Variants in TRAPPC9 observed in about 807,000 individuals in gnomAD.
TRAPPC9 encodes the protein trafficking protein particle complex subunit 9, also known as IKK2 binding protein.
A neutral mutation model predicts 124.0 loss-of-function variants in TRAPPC9; 83 were observed. That is an observed-to-expected ratio of 0.67 (90% CI 0.56 to 0.80). TRAPPC9 has a LOEUF of 0.80. TRAPPC9 is among the 30% of genes least tolerant of loss of function. The probability of loss-of-function intolerance (pLI) is 0.00; values close to 1 mark genes in which losing one functional copy is unlikely to be tolerated. For synonymous variants in TRAPPC9, 638 were observed against 617.5 expected (o/e 1.03, Z -0.49); for missense variants, 1,302 against 1,508.3 (o/e 0.86, Z 2.27).
At chr8:140,383,739 G>T (rs1238314189) in intron 7 of TRAPPC9, among the ~76,000 whole-genome samples, 1 of 152,178 alleles carries the variant, frequency 6.6e-6, no homozygotes, top group Non-Finnish European at 1.5e-5. Flanking sequence ...AAAACACTCT[G>T]CAGGATATTA....
intron 17 of TRAPPC9, among the ~76,000 whole-genome samples, chr8:140,117,414 A>C (rs2060909516): frequency 6.6e-6 from 1 of 152,226 alleles, no homozygotes; most frequent in Admixed American, 6.5e-5. Flanking sequence ...AGGCTTTAGC[A>C]GGTGATGAGA....
intron 17 of TRAPPC9, among the ~76,000 whole-genome samples, chr8:140,125,276 T>C (rs949973693): frequency 6.6e-6 from 1 of 152,154 alleles, no homozygotes. Flanking sequence ...GGGTTGTTTC[T>C]GGGAAAGATC....
chr8:140,306,943 G>A (rs2066153851), intron 10 of TRAPPC9, among the ~76,000 whole-genome samples: 1 of 152,152 alleles, frequency 6.6e-6, no homozygotes, highest in South Asian at 2.1e-4. Context: ...TTGCTATTGT[G>A]TCCTTGTCTG....
intron 8 of TRAPPC9, 125 bp from the exon 9 acceptor site, chr8:140,360,318 C>CA (rs2067911654): frequency 3.2e-6 from 4 of 1,238,330 alleles, no homozygotes; most frequent in Non-Finnish European, 4.6e-6. Context: ...CCAAGAGCAA[C>CA]AAAAAATATT....
intron 16 of TRAPPC9, among the ~76,000 whole-genome samples, chr8:140,237,313 G>C (rs2063751760): frequency 6.6e-6 from 1 of 151,588 alleles, no homozygotes; most frequent in South Asian, 2.1e-4. Flanking sequence ...TCATCGCAGG[G>C]AACAGAGAAT....
chr8:140,238,354 G>C (rs1015460336), intron 16 of TRAPPC9: 5 of 152,248 alleles, frequency 3.3e-5, no homozygotes, highest in Non-Finnish European at 7.3e-5. Context: ...TTATTAGACA[G>C]ATGTCTGGGG....
At chr8:140,412,966 G>A (rs2069761395) in intron 5 of TRAPPC9, among the ~76,000 whole-genome samples, 1 of 152,102 alleles carries the variant, frequency 6.6e-6, no homozygotes, top group Non-Finnish European at 1.5e-5. Context: ...AAAAAGGAAA[G>A]GAAAGGACAT....
At chr8:140,212,109 G>A (rs534024813) in intron 17 of TRAPPC9, among the ~76,000 whole-genome samples, 8 of 152,330 alleles carry the variant, frequency 5.3e-5, no homozygotes, top group Non-Finnish European at 7.3e-5. Context: ...AAGAGCCTGC[G>A]CTCAGGACCA....
At chr8:140,133,322 C>T (rs1181121446) in intron 17 of TRAPPC9, among the ~76,000 whole-genome samples, 1 of 152,214 alleles carries the variant, frequency 6.6e-6, no homozygotes, top group East Asian at 1.9e-4. Flanking sequence ...ATCATCTCTC[C>T]TGATGCAGGA....
intron 7 of TRAPPC9, among the ~76,000 whole-genome samples, chr8:140,390,134 T>C (rs781464367): frequency 1.3e-5 from 2 of 152,098 alleles, no homozygotes; most frequent in African/African-American, 4.8e-5. Context: ...TGAAACCCCA[T>C]CTGTACTAAA....
In TRAPPC9 at chr8:139,769,158, T is replaced by C. The variant is rs147180602; in HGVS notation, c.3056-36956A>G. Among the ~76,000 whole-genome samples, 1,052 of 152,324 alleles carry C rather than the reference T, an allele frequency of 6.9e-3. 15 individuals carry two copies. The highest frequency in any genetic ancestry group is 0.024 in the African/African-American group (986 of 41,578). On this transcript the variant is annotated intron_variant, in intron 21 of 22. Transcript: ENST00000438773. ...AACCCTGTTATCCTCGGGGGCAGGT[T>C]CCAAGACCCCCAGTGGACGGCTGAA...
chr8:140,237,455 C>T (rs966176252), intron 16 of TRAPPC9, among the ~76,000 whole-genome samples: 5 of 151,712 alleles, frequency 3.3e-5, no homozygotes, highest in African/African-American at 1.2e-4. Flanking sequence ...AACTTTGCTG[C>T]ACATTAGAAT....
At chr8:140,387,293 C>A (rs1401408832) in intron 7 of TRAPPC9, among the ~76,000 whole-genome samples, 1 of 152,144 alleles carries the variant, frequency 6.6e-6, no homozygotes. Context: ...CTAGGCAATA[C>A]CATTCAGGAC....
intron 9 of TRAPPC9, among the ~76,000 whole-genome samples, chr8:140,357,838 A>G (rs2067800582): frequency 6.6e-6 from 1 of 152,174 alleles, no homozygotes; most frequent in Admixed American, 6.5e-5. Context: ...CTGCAGGTAC[A>G]ATCAAGAAAA....
At chr8:139,750,959 G>A (rs974312611) in intron 21 of TRAPPC9, among the ~76,000 whole-genome samples, 3 of 152,206 alleles carry the variant, frequency 2.0e-5, no homozygotes, top group African/African-American at 7.2e-5. Flanking sequence ...CCTCTGCCAG[G>A]CAGTGTGATG....
rs1554608008 is a variant in TRAPPC9 at position 140,018,324 on chromosome 8, A to ATTTTTTTTTTTTT, written c.2699+5600_2699+5612dup. Among the ~76,000 whole-genome samples, 172 of 119,720 alleles carry ATTTTTTTTTTTTT rather than the reference A, an allele frequency of 1.4e-3. 1 individual carries two copies. The highest frequency in any genetic ancestry group is 2.6e-3 in the South Asian group (10 of 3,852). 78.5% of individuals were successfully genotyped at this position (119,720 alleles called of 152,430 possible). On this transcript the variant is annotated intron_variant, in intron 18 of 22. Coordinates refer to ENST00000438773, the MANE Select transcript of TRAPPC9 (RefSeq NM_001160372.4). ...TTGCTGGTATATAGAAACGTAAGTG[A>ATTTTTTTTTTTTT]TTTTTTTTTTTTTTTTTGAGACGGA...
intron 16 of TRAPPC9, among the ~76,000 whole-genome samples, chr8:140,230,485 G>A (rs1395366758): frequency 1.3e-5 from 2 of 152,060 alleles, no homozygotes; most frequent in East Asian, 1.9e-4. Flanking sequence ...GGTGGCAGGC[G>A]CCTGTAGTCC....
At chr8:139,934,112 C>T (rs1339156790) in intron 19 of TRAPPC9, among the ~76,000 whole-genome samples, 1 of 152,068 alleles carries the variant, frequency 6.6e-6, no homozygotes, top group Non-Finnish European at 1.5e-5. Context: ...TTTTGTAAAA[C>T]AGGTTAAGCT....
chr8:139,833,798 C>T (rs1826147167), intron 21 of TRAPPC9, among the ~76,000 whole-genome samples: 1 of 152,202 alleles, frequency 6.6e-6, no homozygotes. Context: ...ATTTCAGCTT[C>T]CTTCCGCTTC....
Sources: allele counts gnomAD v4.1 joint callset (sites outside exome capture counted in the v4.1 genomes callset), GRCh38; gene constraint gnomAD v4.1.1; transcripts MANE v1.5; gene names NCBI Gene and HGNC (gene_info 2026-07-23, HGNC 2026-07-21).